Variants in A2ML1 observed in about 807,000 individuals in gnomAD.
The protein encoded by A2ML1 is alpha-2-macroglobulin-like protein 1.
Under a neutral mutation model 181.9 loss-of-function variants are expected in A2ML1, and 161 were observed. That is an observed-to-expected ratio of 0.89 (90% CI 0.78 to 1.01). The LOEUF (loss-of-function observed/expected upper bound fraction) is 1.01, where lower values mean the gene tolerates loss of function less well. Ranked by LOEUF, A2ML1 falls within the 50% of genes least tolerant of loss-of-function variation. The probability of loss-of-function intolerance (pLI) is 0.00; values close to 1 mark genes in which losing one functional copy is unlikely to be tolerated. For synonymous variants in A2ML1, 663 were observed against 666.8 expected, an observed-to-expected ratio of 0.99 and a Z score of 0.09; for missense variants, 1,670 against 1,768.1, an observed-to-expected ratio of 0.94 and a Z score of 1.00.
rs759055700 is a variant in A2ML1 at position 8,857,038 on chromosome 12, G to A, written c.2849-126G>A. Reference sequence around the variant, plus strand: ...TGGAATTACAGGCGTGAGCCACCACGCCCGGCCCATAGTAGGTACTTATTA... The same window carrying A: ...TGGAATTACAGGCGTGAGCCACCACACCCGGCCCATAGTAGGTACTTATTA... On this transcript the variant is annotated intron_variant, in intron 23 of 35. Coordinates refer to ENST00000299698, the MANE Select transcript of A2ML1 (RefSeq NM_144670.6). 166 of 925,478 alleles carry A rather than the reference G, an allele frequency of 1.8e-4. No individual in the cohort carries two copies. The African/African-American group carries it at 2.0e-3, about 11-fold the overall frequency. 57.3% of individuals were successfully genotyped at this position (925,478 alleles called of 1,614,324 possible).
chr12:8,885,750 C>T (rs1166192197), intron 7 of A2ML1, among the ~76,000 whole-genome samples: 1 of 152,154 alleles, frequency 6.6e-6, no homozygotes, highest in Non-Finnish European at 1.5e-5. Context: ...AGGCGTGAGC[C>T]ACTGCACCCA....
At chr12:8,850,109 C>A in intron 17 of A2ML1, 51 bp from the exon 18 acceptor site, 1 of 1,409,710 alleles carries the variant, frequency 7.1e-7, no homozygotes. Flanking sequence ...ATTTATGTCA[C>A]AACAAGAAGT....
chr12:8,843,364 G>A lies in A2ML1; in HGVS notation c.1476+3G>A. ...AAGAGATCAGCTTCTCCTACTATGTGAGACCGGGAAACGGGGACGGGTGAG... is the reference window on the plus strand; with the variant it reads ...AAGAGATCAGCTTCTCCTACTATGTAAGACCGGGAAACGGGGACGGGTGAG... On this transcript the variant is annotated splice_donor_region_variant and intron_variant, in intron 12 of 35. Coordinates refer to ENST00000299698, the MANE Select transcript of A2ML1 (RefSeq NM_144670.6). 1 of 1,612,304 alleles carries A rather than the reference G, an allele frequency of 6.2e-7. No homozygotes were observed. Among genetic ancestry groups the A allele is most frequent in the Non-Finnish European group, 8.5e-7 (1 of 1,178,408 alleles).
At chr12:8,844,119 G>C (rs1170039901) in intron 12 of A2ML1, among the ~76,000 whole-genome samples, 1 of 151,976 alleles carries the variant, frequency 6.6e-6, no homozygotes, top group Non-Finnish European at 1.5e-5. Flanking sequence ...TTCTGAGCAG[G>C]AACACAGGAA....
intron 26 of A2ML1, among the ~76,000 whole-genome samples, chr12:8,860,048 T>C (rs1490574760): frequency 6.6e-6 from 1 of 152,144 alleles, no homozygotes; most frequent in African/African-American, 2.4e-5. Context: ...TATTTACTTA[T>C]TCATTTTTTT....
intron 29 of A2ML1, among the ~76,000 whole-genome samples, 169 bp downstream of exon 29, chr12:8,864,177 T>C (rs1213327314): frequency 6.8e-6 from 1 of 146,200 alleles, no homozygotes; most frequent in African/African-American, 2.5e-5. Context: ...AGCACATTAA[T>C]AGTACCAGAT....
Position 8,863,891 on chromosome 12 carries a change from A to C in A2ML1, c.3600A>C (p.Ala1200=). Residue 1200 remains alanine, a synonymous_variant, in exon 29 of 36, where the codon GCA becomes GCC. Coordinates refer to ENST00000299698, the MANE Select transcript of A2ML1 (RefSeq NM_144670.6). ...AAVDVELTAY[A]LLAQLTKPSL... is the part of the protein sequence containing the mutation. The stretch of plus-strand genomic sequence containing the variant: ...TAGATGTGGAACTCACAGCATATGC[A>C]TTGTTGGCCCAGCTTACCAAGCCCA... The C allele has an allele frequency of 6.2e-7, 1 of 1,614,152 alleles. No homozygotes were observed. Among genetic ancestry groups the C allele is most frequent in the Non-Finnish European group, 8.5e-7 (1 of 1,180,002 alleles).
chr12:8,856,432 C>T (rs917714824), intron 23 of A2ML1, among the ~76,000 whole-genome samples: 4 of 152,146 alleles, frequency 2.6e-5, no homozygotes, highest in Non-Finnish European at 5.9e-5. Flanking sequence ...ATTCAGGACA[C>T]ATTTATAGAT....
intron 7 of A2ML1, among the ~76,000 whole-genome samples, chr12:8,882,595 C>T (rs1944881795): frequency 6.6e-6 from 1 of 152,104 alleles, no homozygotes; most frequent in South Asian, 2.1e-4. Flanking sequence ...TTTTATTTTA[C>T]ATATTCTCTA....
chr12:8,885,744 G>A (rs1894816), intron 7 of A2ML1, among the ~76,000 whole-genome samples: 51,420 of 152,054 alleles, frequency 0.34, 9,714 homozygotes, highest in Non-Finnish European at 0.4. Flanking sequence ...CATTACAGGC[G>A]TGAGCCACTG....
At chr12:8,847,098 CTTT>C (rs1212257948) in intron 14 of A2ML1, among the ~76,000 whole-genome samples, 418 of 93,216 alleles carry the variant, frequency 4.5e-3, no homozygotes, top group African/African-American at 0.017. Flanking sequence ...CCATGCCTGG[CTTT>C]TTTTTTTTTT....
chr12:8,878,274 G>A (rs1193378241), downstream of A2ML1, among the ~76,000 whole-genome samples: 2 of 152,276 alleles, frequency 1.3e-5, no homozygotes, highest in East Asian at 3.9e-4. The surrounding 1 kb of genome is among the most constrained non-coding windows in gnomAD (Gnocchi z 4.4). Flanking sequence ...TCGCACTTCA[G>A]CCTGGGCGAC....
intron 13 of A2ML1, among the ~76,000 whole-genome samples, chr12:8,845,820 A>G (rs1473562420): frequency 2.0e-5 from 3 of 150,090 alleles, no homozygotes; most frequent in African/African-American, 4.9e-5. Context: ...ACTGCGCTCC[A>G]GCCTGGGCGA....
intron 33 of A2ML1, among the ~76,000 whole-genome samples, chr12:8,872,494 T>C (rs1944660075): frequency 6.6e-6 from 1 of 151,494 alleles, no homozygotes; most frequent in African/African-American, 2.4e-5. Flanking sequence ...AAAATAACTA[T>C]TTTCTGGCCA....
At chr12:8,827,505 T>C (rs751871987) in intron 3 of A2ML1, among the ~76,000 whole-genome samples, 9 of 152,238 alleles carry the variant, frequency 5.9e-5, no homozygotes, top group Non-Finnish European at 1.0e-4. Flanking sequence ...ATTCTTTCTC[T>C]GTGTTATCTA....
intron 1 of A2ML1, 46 bp from the exon 2 acceptor site, chr12:8,823,136 G>A (rs1942798912): frequency 1.3e-6 from 2 of 1,580,806 alleles, no homozygotes; most frequent in Admixed American, 3.5e-5. Context: ...GATTTTTCGA[G>A]TGAATGAATC....
chr12:8,858,027 C>G lies in A2ML1; in HGVS notation c.3189C>G (p.Leu1063=), dbSNP rs1397935636. 1 of 1,614,040 alleles carries G rather than the reference C, an allele frequency of 6.2e-7. No individual in the cohort carries two copies. The highest frequency in any genetic ancestry group is 8.5e-7 in the Non-Finnish European group (1 of 1,180,034). ...ATCCCAAGAACATCCAGGATGCTCTCAAGTGGATGGCAGGAAACCAGCTCC... is the reference window on the plus strand; with the variant it reads ...ATCCCAAGAACATCCAGGATGCTCTGAAGTGGATGGCAGGAAACCAGCTCC... ...FIDPKNIQDA[L]KWMAGNQLPS... Residue 1063 remains leucine (L), a synonymous_variant, in exon 26 of 36, where the codon CTC becomes CTG. Transcript: ENST00000299698.
At chr12:8,826,419 T>C (rs1386395783) in intron 3 of A2ML1, among the ~76,000 whole-genome samples, 1 of 152,188 alleles carries the variant, frequency 6.6e-6, no homozygotes, top group Non-Finnish European at 1.5e-5. Flanking sequence ...TTTCAGATTG[T>C]TCCCTGTTGG....
At chr12:8,883,234 G>A (rs1251121411) in intron 7 of A2ML1, among the ~76,000 whole-genome samples, 2 of 152,026 alleles carry the variant, frequency 1.3e-5, no homozygotes, top group African/African-American at 4.8e-5. Flanking sequence ...TCCCCCATCA[G>A]AGTGTAAGAT....
Sources: gnomAD v4.1 joint callset for allele counts (sites outside exome capture counted in the v4.1 genomes callset) on GRCh38, gnomAD v4.1.1 for gene constraint, Gnocchi (gnomAD v3.1) non-coding constraint, MANE v1.5 for transcripts, NCBI Gene and HGNC (gene_info 2026-07-23, HGNC 2026-07-21) for gene names.